Variants in LRRC74A observed in about 807,000 individuals in gnomAD.
LRRC74A encodes leucine-rich repeat-containing protein 74A.
A neutral mutation model predicts 57.9 loss-of-function variants in LRRC74A; 44 were observed. The ratio of observed to expected loss-of-function variants is 0.76; its 90% CI spans 0.60 to 0.98. The LOEUF is 0.98. LRRC74A is among the 50% of genes least tolerant of loss of function. The probability of loss-of-function intolerance (pLI) is 0.00; values close to 1 mark genes in which losing one functional copy is unlikely to be tolerated. For missense variants in LRRC74A, 572 were observed against 574.0 expected, an observed-to-expected ratio of 1.00 and a Z score of 0.04; for synonymous variants, 211 against 219.4, an observed-to-expected ratio of 0.96 and a Z score of 0.34.
chr14:76,836,094 T>C (rs1446383149), intron 3 of LRRC74A, 113 bp from the exon 4 acceptor site: 1 of 755,520 alleles, frequency 1.3e-6, no homozygotes, highest in Non-Finnish European at 2.2e-6. Flanking sequence ...GCCTTCAGAA[T>C]TCCTAGCCTG....
In LRRC74A at chr14:76,870,115, T is replaced by C; in HGVS notation, c.1392-10T>C. The C allele has an allele frequency of 6.2e-7, 1 of 1,611,030 alleles. No individual in the cohort carries two copies. Among genetic ancestry groups the C allele is most frequent in the South Asian group, 1.1e-5 (1 of 90,148 alleles). On this transcript the variant is annotated splice_polypyrimidine_tract_variant and intron_variant, in intron 13 of 13. Transcript: ENST00000689127. ...GGTGCTCAGCATCTTTCCCTTACCT[T>C]TCGTACCAGTTTCTTGAACACGATG...
intron 10 of LRRC74A, among the ~76,000 whole-genome samples, chr14:76,857,824 T>A (rs895485199): frequency 6.6e-6 from 1 of 152,230 alleles, no homozygotes; most frequent in Admixed American, 6.5e-5. Context: ...CCTCGGTCCC[T>A]GAATGGTTCC....
Position 76,828,415 on chromosome 14 carries a change from T to C in LRRC74A, c.162T>C (p.Ile54=), listed in dbSNP as rs1895733236. 1 of 1,613,978 alleles carries C rather than the reference T, an allele frequency of 6.2e-7. No individual in the cohort carries two copies. The highest frequency in any genetic ancestry group is 1.1e-5 in the South Asian group (1 of 91,090). The part of the protein sequence containing the change: ...ARENSETDLE[I]EDDEKFFTTG... ...AGAATTCGGAAACAGACCTGGAGAT[T>C]GAAGGCGAGCATGGGCATTTGGGGG... Residue 54 remains isoleucine (I), a synonymous_variant, in exon 2 of 14, where the codon ATT becomes ATC. Transcript: ENST00000689127.
chr14:76,830,416 G>C (rs1023747087), intron 2 of LRRC74A, among the ~76,000 whole-genome samples: 2 of 152,240 alleles, frequency 1.3e-5, no homozygotes, highest in African/African-American at 2.4e-5. Context: ...GGCCAGGCTG[G>C]CCTAAAGCCT....
At chr14:76,844,289 C>A in intron 5 of LRRC74A, 134 bp from the exon 6 acceptor site, 1 of 787,106 alleles carries the variant, frequency 1.3e-6, no homozygotes, top group African/African-American at 1.7e-5. Context: ...AGGCGTAAGC[C>A]AATGCGTCTG....
At position 76,850,172 on chromosome 14, in the gene LRRC74A, C is replaced by T. The variant is rs950897084; in HGVS notation, c.677-2193C>T. On this transcript the variant is annotated intron_variant, in intron 7 of 13. Coordinates refer to ENST00000689127, the MANE Select transcript of LRRC74A (RefSeq NM_001385106.1). ...GCAGTGAGCGGAGATTGCGCCACTG[C>T]ACTCCAGCCTGGGCGACAGACGGAG... is the stretch of plus-strand genomic sequence containing the variant. Among the ~76,000 whole-genome samples the T allele has an allele frequency of 4.6e-5, 7 of 152,270 alleles. No homozygotes were observed. The South Asian group carries it at 1.5e-3, about 32-fold the overall frequency.
intron 3 of LRRC74A, among the ~76,000 whole-genome samples, chr14:76,834,957 C>T (rs1896218337): frequency 6.6e-6 from 1 of 152,192 alleles, no homozygotes; most frequent in African/African-American, 2.4e-5. Context: ...TGGACTATCA[C>T]ATTTTCCTTT....
Position 76,826,481 on chromosome 14 carries a change from G to C in LRRC74A, c.-217G>C. ...GAAGTAGCTACCTCTCCCAGACAGAGTTGGGGTCAAATTCATGCACATCCA... is the reference window on the plus strand; with the variant it reads ...GAAGTAGCTACCTCTCCCAGACAGACTTGGGGTCAAATTCATGCACATCCA... On this transcript the variant is annotated 5_prime_UTR_variant, in exon 1 of 14. Coordinates refer to ENST00000689127, the MANE Select transcript of LRRC74A (RefSeq NM_001385106.1). The C allele has an allele frequency of 6.5e-7, 1 of 1,545,938 alleles. No homozygotes were observed.
At chr14:76,860,046 T>C (rs1213486914) in intron 10 of LRRC74A, among the ~76,000 whole-genome samples, 3 of 152,182 alleles carry the variant, frequency 2.0e-5, no homozygotes, top group East Asian at 1.9e-4. Context: ...TCCTCTTTTG[T>C]AGATGCTCCT....
In LRRC74A at chr14:76,853,430, GGTGTGTGTGTGTGT is replaced by G. The variant is rs140347611; in HGVS notation, c.957+39_957+52del. ...CTGAAGGTAGTCTTCAGCTGGAAAG[GGTGTGTGTGTGTGT>G]GTGTGTGTGTGTGTGTGTTTGTGTA... is the stretch of plus-strand genomic sequence containing the variant. On this transcript the variant is annotated intron_variant, in intron 9 of 13. Transcript: ENST00000689127. 7.6e-6 allele frequency: 9 copies of G among 1,180,202 alleles called. No individual in the cohort carries two copies. The highest frequency in any genetic ancestry group is 2.6e-5 in the East Asian group (1 of 38,642). The allele number at this position is 1,180,202 out of a possible 1,614,324, so 73.1% of individuals were successfully genotyped here.
intron 5 of LRRC74A, among the ~76,000 whole-genome samples, chr14:76,839,878 C>T (rs758602546): frequency 2.4e-4 from 36 of 151,794 alleles, no homozygotes; most frequent in Non-Finnish European, 5.0e-4. Context: ...CTATAGGTGC[C>T]CGCCACCACA....
chr14:76,861,098 T>C (rs1898270244), intron 11 of LRRC74A, among the ~76,000 whole-genome samples: 1 of 152,176 alleles, frequency 6.6e-6, no homozygotes, highest in African/African-American at 2.4e-5. Context: ...CAGAATGGAT[T>C]ATCCCACCCG....
chr14:76,852,244 A>G (rs1302967684), intron 7 of LRRC74A, 121 bp from the exon 8 acceptor site: 1 of 647,810 alleles, frequency 1.5e-6, no homozygotes, highest in Non-Finnish European at 2.6e-6. Flanking sequence ...TTATTATCTG[A>G]GAATTTTACT....
At chr14:76,836,879 G>A (rs1410902370) in intron 4 of LRRC74A, among the ~76,000 whole-genome samples, 3 of 150,254 alleles carry the variant, frequency 2.0e-5, no homozygotes, top group African/African-American at 4.9e-5. Flanking sequence ...GATGGCTCAC[G>A]CCTGTAATCC....
intron 2 of LRRC74A, among the ~76,000 whole-genome samples, 197 bp from the exon 3 acceptor site, chr14:76,831,006 G>A (rs1045053536): frequency 5.9e-5 from 9 of 152,134 alleles, no homozygotes; most frequent in African/African-American, 2.2e-4. Flanking sequence ...CATTCATCTG[G>A]GACTTTCTGG....
intron 5 of LRRC74A, among the ~76,000 whole-genome samples, chr14:76,840,530 T>C (rs1896679681): frequency 2.0e-5 from 3 of 152,072 alleles, no homozygotes; most frequent in South Asian, 4.2e-4. Flanking sequence ...CCATTATAAA[T>C]ATAGGTTTCC....
intron 11 of LRRC74A, among the ~76,000 whole-genome samples, chr14:76,864,723 G>A (rs1009774889): frequency 5.3e-5 from 8 of 152,148 alleles, no homozygotes; most frequent in South Asian, 2.1e-4. Flanking sequence ...GCATGATGGC[G>A]CATGCCTGTA....
intron 5 of LRRC74A, among the ~76,000 whole-genome samples, chr14:76,839,676 T>C (rs1195901714): frequency 6.6e-6 from 1 of 152,226 alleles, no homozygotes; most frequent in Non-Finnish European, 1.5e-5. Flanking sequence ...TTCTATGAAA[T>C]GTCAATTGTT....
chr14:76,857,585 C>T (rs971512614), intron 10 of LRRC74A, 110 bp downstream of exon 10: 1 of 721,098 alleles, frequency 1.4e-6, no homozygotes, highest in Non-Finnish European at 2.4e-6. Context: ...CAGGCCCTCA[C>T]ACAAGTGCTC....
Sources: allele counts gnomAD v4.1 joint callset (sites outside exome capture counted in the v4.1 genomes callset), GRCh38; gene constraint gnomAD v4.1.1; transcripts MANE v1.5; gene names NCBI Gene and HGNC (gene_info 2026-07-23, HGNC 2026-07-21).